PRIM2: variants seen among roughly 807,000 people sequenced by gnomAD.
PRIM2 encodes the protein DNA primase large subunit.
Under a neutral mutation model 67.3 loss-of-function variants are expected in PRIM2, and 39 were observed. The ratio of observed to expected loss-of-function variants is 0.58; its 90% CI spans 0.45 to 0.76. The LOEUF (loss-of-function observed/expected upper bound fraction) is 0.76, where lower values mean the gene tolerates loss of function less well. Ranked by LOEUF, PRIM2 falls within the 30% of genes least tolerant of loss-of-function variation. The pLI is 0.00. For missense variants in PRIM2, 398 were observed against 598.7 expected, an observed-to-expected ratio of 0.66 and a Z score of 3.50; for synonymous variants, 143 against 198.7, an observed-to-expected ratio of 0.72 and a Z score of 2.36.
chr6:57,446,339 A>G (rs767143498), intron 7 of PRIM2, among the ~76,000 whole-genome samples: 1 of 150,528 alleles, frequency 6.6e-6, no homozygotes, highest in Non-Finnish European at 1.5e-5. Context: ...AATAGCTTCA[A>G]TAAGAAAGGA....
intron 7 of PRIM2, among the ~76,000 whole-genome samples, chr6:57,504,143 C>T (rs1774203110): frequency 6.6e-6 from 1 of 152,196 alleles, no homozygotes; most frequent in African/African-American, 2.4e-5. Flanking sequence ...AAAGTTGGAT[C>T]AGGCACCTCC....
chr6:57,273,644 A>G, the PRIM2 span, among the ~76,000 whole-genome samples: 1 of 152,158 alleles, frequency 6.6e-6, no homozygotes, highest in Admixed American at 6.5e-5. Context: ...GTCATTCTCC[A>G]TCCAGCTTTG....
intron 5 of PRIM2, among the ~76,000 whole-genome samples, chr6:57,345,568 G>C (rs952056450): frequency 6.7e-6 from 1 of 150,374 alleles, no homozygotes; most frequent in Admixed American, 6.6e-5. Flanking sequence ...ATAATTTTCA[G>C]TGTTAAATAT....
intron 7 of PRIM2, among the ~76,000 whole-genome samples, chr6:57,460,301 T>C (rs1176272222): frequency 6.6e-6 from 1 of 152,162 alleles, no homozygotes; most frequent in Non-Finnish European, 1.5e-5. Context: ...GGAACATGTT[T>C]AACTTGATGG....
intron 7 of PRIM2, among the ~76,000 whole-genome samples, chr6:57,398,015 A>G (rs1770581675): frequency 6.9e-6 from 1 of 145,598 alleles, no homozygotes; most frequent in African/African-American, 2.6e-5. Context: ...GCTGGAGTGC[A>G]GTGGCGTGAT....
chr6:57,241,520 A>C, the PRIM2 span, among the ~76,000 whole-genome samples: 1 of 152,146 alleles, frequency 6.6e-6, no homozygotes, highest in African/African-American at 2.4e-5. Context: ...AAGCAGAAAA[A>C]AAAAAAACTT....
the PRIM2 span, among the ~76,000 whole-genome samples, chr6:57,271,836 C>G: frequency 6.6e-6 from 1 of 152,146 alleles, no homozygotes; most frequent in Non-Finnish European, 1.5e-5. Context: ...TGTCTTTGTT[C>G]TCATTGGTTT....
intron 10 of PRIM2, among the ~76,000 whole-genome samples, chr6:57,543,240 G>A (rs1220624368): frequency 6.6e-6 from 1 of 152,118 alleles, no homozygotes; most frequent in East Asian, 1.9e-4. Context: ...CGCCCGGCCA[G>A]GATATTTTTT....
chr6:57,360,853 C>A (rs1769173497), intron 5 of PRIM2, among the ~76,000 whole-genome samples: 1 of 152,038 alleles, frequency 6.6e-6, no homozygotes, highest in Admixed American at 6.6e-5. Flanking sequence ...TAGATAAGAA[C>A]AAGTGACATA....
chr6:57,241,042 G>A, the PRIM2 span, among the ~76,000 whole-genome samples: 3 of 151,752 alleles, frequency 2.0e-5, no homozygotes, highest in African/African-American at 7.3e-5. Flanking sequence ...GGCTAACACG[G>A]GTGAAACTCT....
At chr6:57,598,132 A>G (rs1292283281) in intron 10 of PRIM2, among the ~76,000 whole-genome samples, 1 of 152,160 alleles carries the variant, frequency 6.6e-6, no homozygotes, top group Non-Finnish European at 1.5e-5. Flanking sequence ...GCTTCTCACT[A>G]TTTAACAAGT....
rs1209552173 is a variant in PRIM2, at chr6:57,317,704, A to G, written c.-10+3A>G. 1 of 152,700 alleles carries G rather than the reference A, an allele frequency of 6.5e-6. No homozygotes were observed. Among genetic ancestry groups the G allele is most frequent in the Non-Finnish European group, 1.5e-5 (1 of 68,074 alleles). The allele number at this position is 152,700 out of a possible 1,614,324, so 9.5% of individuals were successfully genotyped here. A position where few individuals can be genotyped will look rare whatever the true frequency, so the allele number is the denominator to read the frequency against. ...TTCCCGAGTTTGAATTCTTGCAGGTAGGGGAAACTTCCGCGAATTTAGGAC... is the reference window on the plus strand; with the variant it reads ...TTCCCGAGTTTGAATTCTTGCAGGTGGGGGAAACTTCCGCGAATTTAGGAC... On this transcript the variant is annotated splice_donor_region_variant and intron_variant, in intron 1 of 13. Transcript: ENST00000615550.
the PRIM2 span, among the ~76,000 whole-genome samples, chr6:57,293,550 G>A: frequency 6.6e-6 from 1 of 152,082 alleles, no homozygotes; most frequent in Non-Finnish European, 1.5e-5. Context: ...TATTTATTGT[G>A]GCACTATTCA....
intron 13 of PRIM2, among the ~76,000 whole-genome samples, chr6:57,641,184 A>G (rs1777226840): frequency 6.6e-6 from 1 of 152,134 alleles, no homozygotes; most frequent in Non-Finnish European, 1.5e-5. Context: ...CTGGCTAGCC[A>G]TATGCAGAAA....
chr6:57,243,498 T>G, the PRIM2 span, among the ~76,000 whole-genome samples: 1 of 152,198 alleles, frequency 6.6e-6, no homozygotes, highest in African/African-American at 2.4e-5. Flanking sequence ...AGATGGAGCC[T>G]CGGTATGTTG....
chr6:57,529,872 G>C (rs1320870168), intron 8 of PRIM2, among the ~76,000 whole-genome samples: 1 of 152,136 alleles, frequency 6.6e-6, no homozygotes, highest in Non-Finnish European at 1.5e-5. Flanking sequence ...ATGGAGGATG[G>C]GAAGTCCAAG....
At chr6:57,246,621 C>G in the PRIM2 span, among the ~76,000 whole-genome samples, 1 of 152,124 alleles carries the variant, frequency 6.6e-6, no homozygotes, top group African/African-American at 2.4e-5. Flanking sequence ...TTTAATAAAT[C>G]CATGCCTGTA....
the PRIM2 span, among the ~76,000 whole-genome samples, chr6:57,282,862 T>G: frequency 6.6e-6 from 1 of 152,228 alleles, no homozygotes; most frequent in Non-Finnish European, 1.5e-5. Context: ...TATTTTGTTA[T>G]GGCAGTCCTA....
chr6:57,575,397 T>C (rs1330697791), intron 10 of PRIM2, among the ~76,000 whole-genome samples: 1 of 152,206 alleles, frequency 6.6e-6, no homozygotes, highest in Non-Finnish European at 1.5e-5. Flanking sequence ...CTTTTTCTAA[T>C]ACATTGCGAC....
Sources: gnomAD v4.1 joint callset for allele counts (sites outside exome capture counted in the v4.1 genomes callset) on GRCh38, gnomAD v4.1.1 for gene constraint, MANE v1.5 for transcripts, NCBI Gene and HGNC (gene_info 2026-07-23, HGNC 2026-07-21) for gene names.